ATP8B4: variants seen among roughly 807,000 people sequenced by gnomAD.
ATP8B4 encodes the protein probable phospholipid-transporting ATPase IM.
In ATP8B4, 133 loss-of-function variants were observed where a neutral mutation model predicts 145.6. The ratio of observed to expected loss-of-function variants is 0.91; its 90% CI spans 0.79 to 1.05. ATP8B4 has a LOEUF of 1.05. Ranked by LOEUF, ATP8B4 falls within the 50% of genes least tolerant of loss-of-function variation. The pLI is 0.00. For missense variants in ATP8B4, 1,458 were observed against 1,425.2 expected (o/e 1.02, Z -0.37); for synonymous variants, 507 against 492.9 (o/e 1.03, Z -0.38).
chr15:49,951,914 C>T (rs2043139476), intron 14 of ATP8B4, among the ~76,000 whole-genome samples: 1 of 152,098 alleles, frequency 6.6e-6, no homozygotes, highest in African/African-American at 2.4e-5. Context: ...TCAGCATTTG[C>T]TTATCTGGAA....
chr15:50,113,826 G>T (rs907003073), intron 1 of ATP8B4, among the ~76,000 whole-genome samples: 1 of 84,470 alleles, frequency 1.2e-5, no homozygotes, highest in Non-Finnish European at 2.0e-5. Flanking sequence ...GCAACAACAC[G>T]AAACTCCATC....
At chr15:49,998,239 C>T (rs1217996160) in intron 8 of ATP8B4, among the ~76,000 whole-genome samples, 1 of 152,132 alleles carries the variant, frequency 6.6e-6, no homozygotes, top group Non-Finnish European at 1.5e-5. Flanking sequence ...AAGTATTTTC[C>T]TTTGGGTATA....
intron 20 of ATP8B4, among the ~76,000 whole-genome samples, chr15:49,911,568 A>T (rs747407376): frequency 3.9e-5 from 6 of 152,278 alleles, no homozygotes; most frequent in Admixed American, 6.5e-5. Context: ...AGGGAGAAGT[A>T]GACTCCAATA....
At chr15:49,976,888 A>G (rs1280674972) in intron 12 of ATP8B4, among the ~76,000 whole-genome samples, 2 of 152,146 alleles carry the variant, frequency 1.3e-5, no homozygotes, top group Non-Finnish European at 2.9e-5. Context: ...CACAGAACAG[A>G]GCTTATAATT....
At chr15:49,875,801 G>A (rs374654583) in intron 25 of ATP8B4, among the ~76,000 whole-genome samples, 4 of 152,304 alleles carry the variant, frequency 2.6e-5, no homozygotes, top group South Asian at 4.1e-4. Context: ...CCCACCAGAA[G>A]AGCTCCTCTG....
intron 1 of ATP8B4, among the ~76,000 whole-genome samples, chr15:50,140,938 C>G (rs1234530092): frequency 6.6e-6 from 1 of 152,158 alleles, no homozygotes; most frequent in African/African-American, 2.4e-5. Flanking sequence ...TGTACAAATA[C>G]TGATCTCTCT....
chr15:49,919,529 T>C (rs952737951), intron 18 of ATP8B4, among the ~76,000 whole-genome samples: 7 of 152,290 alleles, frequency 4.6e-5, no homozygotes, highest in Middle Eastern at 3.4e-3. Flanking sequence ...ACCATTCTCC[T>C]GCCTCAGCCT....
intron 23 of ATP8B4, among the ~76,000 whole-genome samples, chr15:49,884,263 T>C (rs775211442): frequency 2.0e-5 from 3 of 152,148 alleles, no homozygotes; most frequent in Non-Finnish European, 4.4e-5. Flanking sequence ...CCCACAACAC[T>C]GACCACTACA....
chr15:50,062,363 C>T (rs1386981563), intron 3 of ATP8B4, among the ~76,000 whole-genome samples: 7 of 152,106 alleles, frequency 4.6e-5, no homozygotes, highest in Non-Finnish European at 8.8e-5. Flanking sequence ...GCCTGGTCCC[C>T]CTTCACCTTC....
At chr15:49,999,545 T>A (rs1428825457) in intron 8 of ATP8B4, among the ~76,000 whole-genome samples, 1 of 152,018 alleles carries the variant, frequency 6.6e-6, no homozygotes, top group African/African-American at 2.4e-5. Flanking sequence ...AATAATAAAA[T>A]GAAATTTAAA....
intron 3 of ATP8B4, among the ~76,000 whole-genome samples, chr15:50,073,015 TATATACACACAC>T (rs1221517471): frequency 0.028 from 1,009 of 35,848 alleles, 43 homozygotes; most frequent in Non-Finnish European, 0.033. Flanking sequence ...TATATATATA[TATATACACACAC>T]ACACACACAC....
At chr15:49,940,092 C>T (rs893897108) in intron 14 of ATP8B4, among the ~76,000 whole-genome samples, 5 of 152,174 alleles carry the variant, frequency 3.3e-5, no homozygotes, top group Non-Finnish European at 2.9e-5. Context: ...AATACACATG[C>T]ACTTGTATGT....
chr15:50,169,265 T>C (rs1402390983), intron 1 of ATP8B4, among the ~76,000 whole-genome samples: 2 of 151,482 alleles, frequency 1.3e-5, no homozygotes, highest in African/African-American at 4.9e-5. Context: ...CTAAGGACAC[T>C]CATGGAGTCC....
chr15:50,114,522 C>T (rs1476094058), intron 1 of ATP8B4: 2 of 152,486 alleles, frequency 1.3e-5, no homozygotes, highest in Non-Finnish European at 2.9e-5. Context: ...TTGTCCTCAT[C>T]CTGTCCCTCT....
At chr15:49,919,660 G>A (rs1054035351) in intron 18 of ATP8B4, among the ~76,000 whole-genome samples, 5 of 152,080 alleles carry the variant, frequency 3.3e-5, no homozygotes, top group African/African-American at 7.2e-5. Flanking sequence ...CTCGTGATCC[G>A]CCCACCTCGG....
chr15:50,085,930 TATATATTTATATATG>T lies in ATP8B4; in HGVS notation c.29-11760_29-11746del, dbSNP rs1395548715. On this transcript the variant is annotated intron_variant, in intron 2 of 27. Coordinates refer to ENST00000284509, the MANE Select transcript of ATP8B4 (RefSeq NM_024837.4). ...ATATATTTATATATGATATATATCATATATATTTATATATGATATATATCATATATATTTATATAT... is the reference window on the plus strand; with the variant it reads ...ATATATTTATATATGATATATATCATATATATATCATATATATTTATATAT... Among the ~76,000 whole-genome samples the T allele has an allele frequency of 4.4e-3, 204 of 46,208 alleles. 17 individuals carry two copies. Among genetic ancestry groups the T allele is most frequent in the African/African-American group, 0.013 (194 of 14,912 alleles). 30.3% of individuals were successfully genotyped at this position (46,208 alleles called of 152,430 possible).
chr15:50,174,222 G>C (rs1019625179), intron 1 of ATP8B4, among the ~76,000 whole-genome samples: 3 of 152,142 alleles, frequency 2.0e-5, no homozygotes, highest in African/African-American at 7.2e-5. Flanking sequence ...CATTCCCTCT[G>C]AGAACTGGAA....
At chr15:49,968,338 A>G (rs1178390651) in intron 13 of ATP8B4, among the ~76,000 whole-genome samples, 4 of 152,224 alleles carry the variant, frequency 2.6e-5, no homozygotes, top group Non-Finnish European at 5.9e-5. Flanking sequence ...CAAACTGCAT[A>G]AAGAGTCAAG....
intron 14 of ATP8B4, among the ~76,000 whole-genome samples, chr15:49,954,931 C>T (rs1186835824): frequency 6.6e-6 from 1 of 152,168 alleles, no homozygotes; most frequent in African/African-American, 2.4e-5. Context: ...CCCAGATGCC[C>T]ATCAGCGGTG....
Sources: gnomAD v4.1 joint callset for allele counts (sites outside exome capture counted in the v4.1 genomes callset) on GRCh38, gnomAD v4.1.1 for gene constraint, MANE v1.5 for transcripts, NCBI Gene and HGNC (gene_info 2026-07-23, HGNC 2026-07-21) for gene names.